CCDC66: variants seen among roughly 807,000 people sequenced by gnomAD.
The protein encoded by CCDC66 is coiled-coil domain-containing protein 66.
CCDC66 carries 133 observed loss-of-function variants against 128.3 expected under a neutral mutation model. That is an observed-to-expected ratio of 1.04 (90% confidence interval 0.90 to 1.20). CCDC66 has a LOEUF of 1.20. Among genes scored for constraint, CCDC66 ranks in the 50% most tolerant of loss-of-function variants. The pLI, the probability that CCDC66 is intolerant of heterozygous loss-of-function variation, is 0.00. For missense variants in CCDC66, 1,126 were observed against 1,075.5 expected, an observed-to-expected ratio of 1.05 and a Z score of -0.66; for synonymous variants, 387 against 357.0, an observed-to-expected ratio of 1.08 and a Z score of -0.95.
intron 10 of CCDC66, among the ~76,000 whole-genome samples, chr3:56,597,470 G>A (rs1010753431): frequency 3.3e-5 from 5 of 152,002 alleles, no homozygotes. Context: ...CATTGAATTT[G>A]TAGATTGCCT....
At chr3:56,612,761 G>A (rs1166984214) in intron 10 of CCDC66, among the ~76,000 whole-genome samples, 1 of 152,176 alleles carries the variant, frequency 6.6e-6, no homozygotes, top group African/African-American at 2.4e-5. Context: ...TCTAGGAGGA[G>A]TGCTCAGGTG....
chr3:56,558,804 G>A (rs748586699), intron 1 of CCDC66, 42 bp from the exon 2 acceptor site: 55 of 1,271,924 alleles, frequency 4.3e-5, no homozygotes, highest in South Asian at 7.8e-5. Flanking sequence ...AAAATGTTGC[G>A]GTTTGTTAAA....
intron 7 of CCDC66, chr3:56,572,572 C>CCTTCATTTCTT: frequency 1.9e-5 from 2 of 105,510 alleles, no homozygotes; most frequent in South Asian, 9.7e-5. Context: ...GCTTCATTTG[C>CCTTCATTTCTT]TATCCCTTCC....
At chr3:56,619,198 A>G in intron 15 of CCDC66, 73 bp from the exon 16 acceptor site, 3 of 1,247,462 alleles carry the variant, frequency 2.4e-6, no homozygotes, top group African/African-American at 1.5e-5. Flanking sequence ...CATCTCATAA[A>G]TAAAGTGAAA....
intron 10 of CCDC66, among the ~76,000 whole-genome samples, chr3:56,599,185 A>T (rs940882914): frequency 1.3e-5 from 2 of 151,472 alleles, no homozygotes; most frequent in African/African-American, 4.9e-5. Flanking sequence ...TTTCTTCTAG[A>T]TTTTCTAGTT....
intron 7 of CCDC66, among the ~76,000 whole-genome samples, chr3:56,582,849 T>TTTTTTATTATTA (rs762028314): frequency 8.9e-5 from 12 of 134,888 alleles, no homozygotes; most frequent in African/African-American, 3.2e-4. Context: ...CTCAACTTTC[T>TTTTTTATTATTA]TTATTATTAT....
chr3:56,574,587 G>T (rs2067112925), intron 7 of CCDC66, among the ~76,000 whole-genome samples: 2 of 151,798 alleles, frequency 1.3e-5, no homozygotes, highest in African/African-American at 4.8e-5. Context: ...AAGTTTGGTT[G>T]TAGGCAGTCA....
At position 56,593,663 on chromosome 3, in the gene CCDC66, G is replaced by A. The variant is rs756487369; in HGVS notation, c.1241G>A (p.Ser414Asn). 3 of 1,614,080 alleles carry A rather than the reference G, an allele frequency of 1.9e-6. No homozygotes were observed. In the African/African-American group the frequency reaches 4.0e-5, roughly 22 times the overall value. ...VSSVCTPTTG[S>N]QVEPSEEEHI... Reference sequence around the variant, plus strand: ...AGTGTTTGTACACCTACAACCGGAAGCCAGGTTGAACCTTCAGAGGAGGAG... The same window carrying A: ...AGTGTTTGTACACCTACAACCGGAAACCAGGTTGAACCTTCAGAGGAGGAG... Residue 414 changes from serine (S) to asparagine (N), a missense_variant, in exon 9 of 18, where the codon AGC becomes AAC. Ser to Asn is a conservative substitution (Grantham distance 46). Transcript: ENST00000394672.
At chr3:56,581,579 A>G (rs921276758) in intron 7 of CCDC66, among the ~76,000 whole-genome samples, 1 of 151,808 alleles carries the variant, frequency 6.6e-6, no homozygotes, top group East Asian at 2.0e-4. Flanking sequence ...ATGGTGACGT[A>G]CAGATGGGGT....
At chr3:56,590,234 G>A (rs1348217708) in intron 7 of CCDC66, among the ~76,000 whole-genome samples, 2 of 152,180 alleles carry the variant, frequency 1.3e-5, no homozygotes, top group African/African-American at 4.8e-5. Flanking sequence ...ATTTTTATAA[G>A]ACTGCTTTAA....
In CCDC66 at chr3:56,619,847, G is replaced by A; in HGVS notation, c.2706G>A (p.Val902=). 1 of 1,614,082 alleles carries A rather than the reference G, an allele frequency of 6.2e-7. No homozygotes were observed. The highest frequency in any genetic ancestry group is 8.5e-7 in the Non-Finnish European group (1 of 1,179,978). Residue 902 remains valine, a synonymous_variant, in exon 17 of 18, where the codon GTG becomes GTA. Transcript: ENST00000394672. The stretch of plus-strand genomic sequence containing the variant: ...ATCCACTTCTTAATCCTAACATGGT[G>A]AAAAATAGGGATCGACAGCAAGCAA... The part of the protein sequence containing the change: ...VRDPLLNPNM[V]KNRDRQQAIL...
At chr3:56,566,066 A>G (rs1013530124) in intron 4 of CCDC66, among the ~76,000 whole-genome samples, 19 of 151,282 alleles carry the variant, frequency 1.3e-4, no homozygotes, top group East Asian at 9.6e-4. Flanking sequence ...TTGTATGGCT[A>G]TGGTCATGAG....
intron 7 of CCDC66, among the ~76,000 whole-genome samples, chr3:56,585,575 G>A (rs2069541162): frequency 1.3e-5 from 2 of 151,678 alleles, no homozygotes; most frequent in Non-Finnish European, 2.9e-5. Context: ...CAATTTGAAG[G>A]TATATCATAA....
At chr3:56,576,278 A>G (rs1382815841) in intron 7 of CCDC66, among the ~76,000 whole-genome samples, 1 of 148,192 alleles carries the variant, frequency 6.7e-6, no homozygotes, top group Admixed American at 6.8e-5. Context: ...AATTTTTTAA[A>G]TTTTTTTTGT....
intron 13 of CCDC66, 195 bp downstream of exon 13, chr3:56,616,248 T>G (rs1332576159): frequency 4.3e-6 from 2 of 465,012 alleles, no homozygotes; most frequent in Non-Finnish European, 7.5e-6. Context: ...TTTAGTCTTT[T>G]TTGGTATTCA....
Position 56,619,902 on chromosome 3 carries a change from G to C in CCDC66, c.2760+1G>C, listed in dbSNP as rs768010385. On this transcript the variant is annotated splice_donor_variant, in intron 17 of 17. Transcript: ENST00000394672. LOFTEE classifies it high-confidence loss of function. ...TAAGGGACTTTCAGAACTGAGACAGGTATGAGCTTTTTCAAGTGTAGATAT... is the reference window on the plus strand; with the variant it reads ...TAAGGGACTTTCAGAACTGAGACAGCTATGAGCTTTTTCAAGTGTAGATAT... The C allele has an allele frequency of 4.3e-6, 7 of 1,613,602 alleles. No homozygotes were observed. The highest frequency in any genetic ancestry group is 1.3e-5 in the African/African-American group (1 of 75,034).
At position 56,566,931 on chromosome 3, in the gene CCDC66, C is replaced by G. The variant is rs1403069766; in HGVS notation, c.711-19C>G. On this transcript the variant is annotated intron_variant, in intron 5 of 17. Transcript: ENST00000394672. ...AAATGTATGATACAGTTTCTGTTAT[C>G]TTTTGTGTTTTACCTTAGAGAGAAT... 6.3e-7 allele frequency: 1 copy of G among 1,590,592 alleles called. No homozygotes were observed. The highest frequency in any genetic ancestry group is 8.6e-7 in the Non-Finnish European group (1 of 1,161,638).
intron 15 of CCDC66, 47 bp downstream of exon 15, chr3:56,618,259 G>T: frequency 6.5e-7 from 1 of 1,527,172 alleles, no homozygotes; most frequent in Non-Finnish European, 9.1e-7. Context: ...TGCTTTCTAT[G>T]TGGGACAAAA....
At chr3:56,573,609 C>T (rs2066929397) in intron 7 of CCDC66, among the ~76,000 whole-genome samples, 1 of 152,136 alleles carries the variant, frequency 6.6e-6, no homozygotes, top group African/African-American at 2.4e-5. Flanking sequence ...AGTTTTCAGC[C>T]CTCTGACATC....
Sources: gnomAD v4.1 joint callset for allele counts (sites outside exome capture counted in the v4.1 genomes callset) on GRCh38, gnomAD v4.1.1 for gene constraint, MANE v1.5 for transcripts, NCBI Gene and HGNC (gene_info 2026-07-23, HGNC 2026-07-21) for gene names.